Variants in MGAT4C observed in about 807,000 individuals in gnomAD.
The protein encoded by MGAT4C is alpha-1,3-mannosyl-glycoprotein 4-beta-N-acetylglucosaminyltransferase C.
Under a neutral mutation model 40.1 loss-of-function variants are expected in MGAT4C, and 19 were observed. The ratio of observed to expected loss-of-function variants is 0.47; its 90% CI spans 0.33 to 0.70. The LOEUF is 0.70. Ranked by LOEUF, MGAT4C falls within the 30% of genes least tolerant of loss-of-function variation. The probability of loss-of-function intolerance (pLI) is 0.02; values close to 1 mark genes in which losing one functional copy is unlikely to be tolerated. For missense variants in MGAT4C, 491 were observed against 563.2 expected, an observed-to-expected ratio of 0.87 and a Z score of 1.30; for synonymous variants, 181 against 187.1, an observed-to-expected ratio of 0.97 and a Z score of 0.27.
intron 2 of MGAT4C, among the ~76,000 whole-genome samples, chr12:86,669,958 G>T (rs1321998554): frequency 6.6e-6 from 1 of 151,780 alleles, no homozygotes; most frequent in Non-Finnish European, 1.5e-5. Context: ...GCCCTGCCCA[G>T]CATTATCTAG....
chr12:86,313,817 TA>T (rs1207772350), intron 4 of MGAT4C, among the ~76,000 whole-genome samples: 3 of 152,196 alleles, frequency 2.0e-5, no homozygotes, highest in Non-Finnish European at 4.4e-5. Context: ...TATGAATATC[TA>T]AAAACATTTT....
chr12:86,444,351 C>A (rs1343485287), intron 2 of MGAT4C, among the ~76,000 whole-genome samples: 1 of 152,178 alleles, frequency 6.6e-6, no homozygotes, highest in South Asian at 2.1e-4. Flanking sequence ...TATTTCTTGA[C>A]TGATCATGGA....
At chr12:86,252,600 G>T (rs17359446) in intron 1 of MGAT4C, among the ~76,000 whole-genome samples, 14,083 of 151,822 alleles carry the variant, frequency 0.093, 831 homozygotes, top group Middle Eastern at 0.22. Context: ...AGCATTAGTA[G>T]CTACCAAGAC....
At chr12:86,610,738 T>TC (rs1161494256) in intron 2 of MGAT4C, among the ~76,000 whole-genome samples, 1 of 36,706 alleles carries the variant, frequency 2.7e-5, no homozygotes, top group East Asian at 1.1e-3. Flanking sequence ...CCCACCCCCC[T>TC]CCCCCTACCC....
chr12:86,125,838 G>T (rs527732181), intron 1 of MGAT4C, among the ~76,000 whole-genome samples: 6 of 152,090 alleles, frequency 3.9e-5, no homozygotes, highest in African/African-American at 1.2e-4. Context: ...AGGAAGCAAT[G>T]AGTGACAGCT....
At chr12:86,694,181 A>G (rs1950217064) in intron 2 of MGAT4C, among the ~76,000 whole-genome samples, 1 of 152,216 alleles carries the variant, frequency 6.6e-6, no homozygotes, top group Non-Finnish European at 1.5e-5. Context: ...TCTTAACTCA[A>G]ATATTTCAGA....
intron 2 of MGAT4C, among the ~76,000 whole-genome samples, chr12:86,541,069 A>T (rs900129937): frequency 6.6e-6 from 1 of 152,202 alleles, no homozygotes; most frequent in African/African-American, 2.4e-5. Context: ...TGTTCATTGA[A>T]GTTACCTATG....
intron 1 of MGAT4C, among the ~76,000 whole-genome samples, chr12:86,758,954 C>T (rs957258331): frequency 2.0e-5 from 3 of 152,038 alleles, no homozygotes; most frequent in Admixed American, 2.0e-4. Context: ...TAACTCTACT[C>T]ATCCTACTAT....
At chr12:86,520,244 C>T (rs1047320825) in intron 2 of MGAT4C, among the ~76,000 whole-genome samples, 8 of 152,012 alleles carry the variant, frequency 5.3e-5, no homozygotes, top group African/African-American at 1.7e-4. Flanking sequence ...CCAATAGGTC[C>T]CAGTGTGCTT....
intron 2 of MGAT4C, among the ~76,000 whole-genome samples, chr12:86,024,036 A>T (rs557401678): frequency 6.6e-6 from 1 of 152,082 alleles, no homozygotes; most frequent in African/African-American, 2.4e-5. Flanking sequence ...GTATACAGAG[A>T]AAGATTAAAG....
intron 1 of MGAT4C, among the ~76,000 whole-genome samples, chr12:86,142,780 A>G (rs1883020454): frequency 6.7e-6 from 1 of 150,360 alleles, no homozygotes; most frequent in Non-Finnish European, 1.5e-5. Context: ...TCTTGTTTAT[A>G]ACCAAAATAT....
At chr12:86,425,144 C>T (rs1001587856) in intron 3 of MGAT4C, among the ~76,000 whole-genome samples, 4 of 152,120 alleles carry the variant, frequency 2.6e-5, no homozygotes, top group South Asian at 2.1e-4. Context: ...GAGTTCAAGC[C>T]TAGGCAGCAA....
chr12:86,601,665 G>A (rs976213030), intron 2 of MGAT4C, among the ~76,000 whole-genome samples: 13 of 152,168 alleles, frequency 8.5e-5, no homozygotes, highest in African/African-American at 2.9e-4. Flanking sequence ...GGCTCACTGA[G>A]CTGTGGGCTG....
upstream of MGAT4C, among the ~76,000 whole-genome samples, chr12:86,257,459 C>T (rs1045590247): frequency 6.6e-6 from 1 of 152,226 alleles, no homozygotes; most frequent in Non-Finnish European, 1.5e-5. Context: ...GAAAGCTGTG[C>T]AGCTCAGCAT....
intron 3 of MGAT4C, among the ~76,000 whole-genome samples, chr12:86,355,371 T>C (rs1434881056): frequency 7.8e-6 from 1 of 127,762 alleles, no homozygotes; most frequent in Admixed American, 8.2e-5. Flanking sequence ...TAGAAAAAAG[T>C]TAGTCAAAAA....
At chr12:86,430,720 T>A (rs1957020312) in intron 3 of MGAT4C, among the ~76,000 whole-genome samples, 1 of 152,144 alleles carries the variant, frequency 6.6e-6, no homozygotes, top group Non-Finnish European at 1.5e-5. Context: ...GTGGAGTCAT[T>A]ACTCTGGACA....
rs564061763 is a variant in MGAT4C, at chr12:85,964,930, G to A, written c.*14359C>T. 6.6e-6 allele frequency: 1 copy of A among 152,064 alleles called. No homozygotes were observed. Among genetic ancestry groups the A allele is most frequent in the Non-Finnish European group, 1.5e-5 (1 of 68,018 alleles). 9.4% of individuals were successfully genotyped at this position (152,064 alleles called of 1,614,324 possible). ...GATAGTGAGGCCCCAGAGAGCCCTC[G>A]AGAAATGCAAATAAACTATTACTGA... On this transcript the variant is annotated 3_prime_UTR_variant, in exon 5 of 5. Coordinates refer to ENST00000611864, the MANE Select transcript of MGAT4C (RefSeq NM_001351288.2).
intron 2 of MGAT4C, among the ~76,000 whole-genome samples, chr12:86,556,955 T>C (rs1252210901): frequency 6.6e-6 from 1 of 152,094 alleles, no homozygotes; most frequent in Non-Finnish European, 1.5e-5. Context: ...AAAGCTATTA[T>C]GTTGATAGAT....
At chr12:86,476,258 C>T (rs1053123226) in intron 2 of MGAT4C, among the ~76,000 whole-genome samples, 1 of 152,016 alleles carries the variant, frequency 6.6e-6, no homozygotes, top group Admixed American at 6.6e-5. Flanking sequence ...ATACAAATAA[C>T]CCCATTAAAA....
Sources: gnomAD v4.1 joint callset for allele counts (sites outside exome capture counted in the v4.1 genomes callset) on GRCh38, gnomAD v4.1.1 for gene constraint, MANE v1.5 for transcripts, NCBI Gene and HGNC (gene_info 2026-07-23, HGNC 2026-07-21) for gene names.